Variants in COX10 observed in about 807,000 individuals in gnomAD.
COX10 encodes the protein cytochrome c oxidase assembly factor heme A:farnesyltransferase COX10.
A neutral mutation model predicts 37.3 loss-of-function variants in COX10; 27 were observed. The observed-to-expected ratio is 0.72, with a 90% CI of 0.53 to 1.00. The LOEUF is 1.00. Among genes scored for constraint, COX10 ranks in the 50% least tolerant of loss-of-function variants. The pLI, the probability that COX10 is intolerant of heterozygous loss-of-function variation, is 0.00. For synonymous variants in COX10, 222 were observed against 229.1 expected (o/e 0.97, Z 0.28); for missense variants, 475 against 563.2 (o/e 0.84, Z 1.59).
chr17:14,179,054 CAACA>C (rs1427445496), intron 5 of COX10: 2 of 159,168 alleles, frequency 1.3e-5, no homozygotes, highest in Non-Finnish European at 1.3e-5. Context: ...CCCCAACTTT[CAACA>C]AACACATTAT....
intron 4 of COX10, among the ~76,000 whole-genome samples, chr17:14,155,109 G>T (rs747869935): frequency 6.6e-6 from 1 of 152,134 alleles, no homozygotes; most frequent in Non-Finnish European, 1.5e-5. Context: ...GTAGATTTGA[G>T]AAATATTATG....
intron 5 of COX10, among the ~76,000 whole-genome samples, chr17:14,162,574 C>A (rs944145781): frequency 1.3e-5 from 2 of 151,456 alleles, no homozygotes; most frequent in African/African-American, 4.9e-5. Flanking sequence ...GAAAAATCAG[C>A]ACATGTTTTA....
chr17:14,188,102 CTT>C (rs1157321131), intron 5 of COX10, among the ~76,000 whole-genome samples: 30 of 123,610 alleles, frequency 2.4e-4, no homozygotes, highest in Non-Finnish European at 3.6e-4. Flanking sequence ...CCTTCTTCTT[CTT>C]TTTTTTTTTT....
intron 3 of COX10, among the ~76,000 whole-genome samples, chr17:14,091,768 C>T (rs1362225439): frequency 2.0e-5 from 3 of 152,168 alleles, no homozygotes; most frequent in Non-Finnish European, 4.4e-5. Flanking sequence ...CGGAACGATA[C>T]TTGAAATGGA....
intron 4 of COX10, among the ~76,000 whole-genome samples, chr17:14,108,399 A>G (rs572470443): frequency 6.6e-6 from 1 of 152,314 alleles, no homozygotes; most frequent in East Asian, 1.9e-4. Flanking sequence ...AGCTTTAAGG[A>G]AAACCATTGA....
chr17:14,207,102 C>T lies in COX10; in HGVS notation c.1221C>T (p.Ser407=), dbSNP rs746400017. 1 of 1,613,920 alleles carries T rather than the reference C, an allele frequency of 6.2e-7. No individual in the cohort carries two copies. Among genetic ancestry groups the T allele is most frequent in the Non-Finnish European group, 8.5e-7 (1 of 1,179,946 alleles). ...FRFYVDADRR[S]SRRLFFCSLW... is the part of the protein sequence containing the mutation. Reference sequence around the variant, plus strand: ...TCTACGTGGACGCAGACCGCAGGAGCTCGCGGAGACTGTTCTTCTGCAGCC... The same window carrying T: ...TCTACGTGGACGCAGACCGCAGGAGTTCGCGGAGACTGTTCTTCTGCAGCC... The change falls in exon 7 of 7, where the codon AGC becomes AGT. Residue 407 remains serine, a synonymous_variant. Coordinates refer to ENST00000261643, the MANE Select transcript of COX10 (RefSeq NM_001303.4).
intron 5 of COX10, among the ~76,000 whole-genome samples, chr17:14,171,196 T>G (rs1254446110): frequency 6.6e-6 from 1 of 152,166 alleles, no homozygotes; most frequent in East Asian, 1.9e-4. Context: ...ATCGGAACAC[T>G]TTTGTGGAGT....
In COX10 at chr17:14,206,724, G is replaced by A. The variant is rs4792446; in HGVS notation, c.929-86G>A. The A allele has an allele frequency of 0.19, 286,625 of 1,543,114 alleles. 28,338 individuals carry two copies. Among genetic ancestry groups the A allele is most frequent in the East Asian group, 0.36 (15,812 of 44,512 alleles). On this transcript the variant is annotated intron_variant, in intron 6 of 6. Transcript: ENST00000261643. ...GGCAGAGCTTCTGAGGTGCCAGGCAGGCTCTCCCAGGAGAGGAAACCATTC... is the reference window on the plus strand; with the variant it reads ...GGCAGAGCTTCTGAGGTGCCAGGCAAGCTCTCCCAGGAGAGGAAACCATTC...
chr17:14,173,113 C>T (rs554154002), intron 5 of COX10, among the ~76,000 whole-genome samples: 6 of 152,274 alleles, frequency 3.9e-5, no homozygotes, highest in South Asian at 2.1e-4. Context: ...ACTCTTGTCA[C>T]GTGGACAGTT....
intron 5 of COX10, among the ~76,000 whole-genome samples, chr17:14,167,614 A>T (rs1009176977): frequency 6.6e-6 from 1 of 152,168 alleles, no homozygotes; most frequent in Non-Finnish European, 1.5e-5. Flanking sequence ...CACATGGCTG[A>T]GGAGGCCTCA....
chr17:14,116,740 C>A (rs750769034), intron 4 of COX10, among the ~76,000 whole-genome samples: 1 of 152,206 alleles, frequency 6.6e-6, no homozygotes, highest in East Asian at 1.9e-4. Context: ...CCAGTTCTTA[C>A]AGCCTTCATG....
At chr17:14,075,446 T>A (rs1011278080) in intron 2 of COX10, among the ~76,000 whole-genome samples, 4 of 152,208 alleles carry the variant, frequency 2.6e-5, no homozygotes, top group African/African-American at 9.7e-5. Context: ...TATAGCTGGT[T>A]GTTGGCTGTT....
intron 5 of COX10, among the ~76,000 whole-genome samples, chr17:14,187,172 G>A (rs1465314172): frequency 1.3e-5 from 2 of 151,654 alleles, no homozygotes; most frequent in Non-Finnish European, 2.9e-5. Flanking sequence ...CTGACAGTAC[G>A]TGTCAAAATC....
At chr17:14,129,631 G>A (rs572357176) in intron 4 of COX10, among the ~76,000 whole-genome samples, 1 of 152,138 alleles carries the variant, frequency 6.6e-6, no homozygotes, top group Non-Finnish European at 1.5e-5. Flanking sequence ...AAGGCCCCTT[G>A]AGAAAACTCC....
At chr17:14,196,139 C>G (rs1231289988) in intron 6 of COX10, among the ~76,000 whole-genome samples, 3 of 152,128 alleles carry the variant, frequency 2.0e-5, no homozygotes, top group African/African-American at 4.8e-5. Flanking sequence ...TAGATCACCA[C>G]CTTTATAAAC....
intron 4 of COX10, among the ~76,000 whole-genome samples, chr17:14,153,326 C>T (rs1307629208): frequency 6.6e-6 from 1 of 152,188 alleles, no homozygotes; most frequent in East Asian, 1.9e-4. Context: ...CCATTCATTT[C>T]TCTTCAAGCT....
chr17:14,112,433 G>A (rs1916023227), intron 4 of COX10, among the ~76,000 whole-genome samples: 1 of 152,114 alleles, frequency 6.6e-6, no homozygotes, highest in Admixed American at 6.6e-5. Flanking sequence ...ATTCTTTGCT[G>A]TTATTTTCTT....
At chr17:14,085,092 T>C (rs1915380445) in intron 3 of COX10, among the ~76,000 whole-genome samples, 1 of 152,212 alleles carries the variant, frequency 6.6e-6, no homozygotes, top group Admixed American at 6.5e-5. Flanking sequence ...ATTGGCTTTG[T>C]GGTTACAGGC....
At chr17:14,097,178 T>G (rs893703981) in intron 3 of COX10, among the ~76,000 whole-genome samples, 1 of 152,184 alleles carries the variant, frequency 6.6e-6, no homozygotes, top group Non-Finnish European at 1.5e-5. Context: ...CAATGGAAAG[T>G]TTAATTACAG....
Sources: allele counts gnomAD v4.1 joint callset (sites outside exome capture counted in the v4.1 genomes callset), GRCh38; gene constraint gnomAD v4.1.1; transcripts MANE v1.5; gene names NCBI Gene and HGNC (gene_info 2026-07-23, HGNC 2026-07-21).